Variants in RAB3B observed in about 807,000 individuals in gnomAD.
The protein encoded by RAB3B is ras-related protein Rab-3B.
A neutral mutation model predicts 20.5 loss-of-function variants in RAB3B; 11 were observed. That is an observed-to-expected ratio of 0.54 (90% confidence interval 0.34 to 0.89). The LOEUF is 0.89. Among genes scored for constraint, RAB3B ranks in the 40% least tolerant of loss-of-function variants. The pLI, the probability that RAB3B is intolerant of heterozygous loss-of-function variation, is 0.02. For synonymous variants in RAB3B, 99 were observed against 106.3 expected (o/e 0.93, Z 0.42); for missense variants, 225 against 280.9 (o/e 0.80, Z 1.42).
chr1:51,984,133 G>A lies in RAB3B; in HGVS notation c.-1+6419C>T, dbSNP rs566092940. Among the ~76,000 whole-genome samples the A allele has an allele frequency of 1.5e-3, 230 of 151,126 alleles. 2 individuals are homozygous for A. Among genetic ancestry groups the A allele is most frequent in the Admixed American group, 3.7e-3 (56 of 15,182 alleles). On this transcript the variant is annotated intron_variant, in intron 1 of 4. Coordinates refer to ENST00000371655, the MANE Select transcript of RAB3B (RefSeq NM_002867.4). ...CAAAAAATTCGCTGGGCGTGGTGGT[G>A]GCTGCCTGTAATCCCAGCTACTCTG...
intron 1 of RAB3B, among the ~76,000 whole-genome samples, chr1:51,981,223 G>A (rs916043171): frequency 6.6e-6 from 1 of 152,200 alleles, no homozygotes; most frequent in East Asian, 1.9e-4. Flanking sequence ...TAGAGATGGG[G>A]TTTCACCATG....
Position 51,971,030 on chromosome 1 carries a change from A to G in RAB3B, c.228+5860T>C, listed in dbSNP as rs550762692. ...CGTCTCAAAAAAAAAAAAAAAAAAAAAAAGAAAGAAAGCAACCCAGTGACC... is the reference window on the plus strand; with the variant it reads ...CGTCTCAAAAAAAAAAAAAAAAAAAGAAAGAAAGAAAGCAACCCAGTGACC... On this transcript the variant is annotated intron_variant, in intron 2 of 4. Coordinates refer to ENST00000371655, the MANE Select transcript of RAB3B (RefSeq NM_002867.4). Among the ~76,000 whole-genome samples the G allele has an allele frequency of 2.7e-3, 402 of 150,658 alleles. 3 individuals are homozygous for G. Among genetic ancestry groups the G allele is most frequent in the Admixed American group, 6.6e-3 (99 of 15,106 alleles).
At position 51,955,602 on chromosome 1, in the gene RAB3B, G is replaced by A. The variant is rs556929751; in HGVS notation, c.229-18190C>T. On this transcript the variant is annotated intron_variant, in intron 2 of 4. Transcript: ENST00000371655. ...TTTAGTAGAGACAGGGTTTTACCAT[G>A]TTGGCCAGGCTGGTCTCAAACTCCC... Among the ~76,000 whole-genome samples, 15 of 152,250 alleles carry A rather than the reference G, an allele frequency of 9.9e-5. No individual in the cohort carries two copies. In the South Asian group the frequency reaches 3.1e-3, roughly 32 times the overall value.
intron 1 of RAB3B, 86 bp downstream of exon 1, chr1:51,990,466 G>C (rs1010771598): frequency 3.3e-5 from 5 of 150,364 alleles, no homozygotes; most frequent in Non-Finnish European, 5.9e-5. Flanking sequence ...GCTCCTTCTC[G>C]GCGCCCGCTC....
At chr1:51,938,043 C>T (rs1373142847) in intron 2 of RAB3B, among the ~76,000 whole-genome samples, 2 of 140,048 alleles carry the variant, frequency 1.4e-5, no homozygotes, top group African/African-American at 5.5e-5. Context: ...TACTCTGTTG[C>T]CCAGGCTGAG....
At chr1:51,966,902 G>A (rs978346829) in intron 2 of RAB3B, among the ~76,000 whole-genome samples, 3 of 152,116 alleles carry the variant, frequency 2.0e-5, no homozygotes, top group African/African-American at 7.2e-5. Flanking sequence ...CACTCAAGAC[G>A]AGATTGCACC....
chr1:51,931,309 T>A (rs1419769221), intron 4 of RAB3B, among the ~76,000 whole-genome samples: 1 of 152,116 alleles, frequency 6.6e-6, no homozygotes, highest in Non-Finnish European at 1.5e-5. Flanking sequence ...CACTTGGGCA[T>A]CATGTTCTCT....
At chr1:51,948,107 T>G (rs1269603084) in intron 2 of RAB3B, among the ~76,000 whole-genome samples, 3 of 152,212 alleles carry the variant, frequency 2.0e-5, no homozygotes, top group African/African-American at 7.2e-5. Context: ...GTTTACAATG[T>G]TTTTTTCTTA....
chr1:51,970,255 C>A (rs956224974), intron 2 of RAB3B, among the ~76,000 whole-genome samples: 5 of 152,076 alleles, frequency 3.3e-5, no homozygotes, highest in African/African-American at 7.2e-5. Flanking sequence ...CTTCTATTCC[C>A]ACAAGGTCTC....
In RAB3B at chr1:51,918,871, G is replaced by C. The variant is rs2124226502; in HGVS notation, c.*1056C>G. ...AACTCATGATCTGTTTCTTGATCTT[G>C]CCTGTTTCTCTTTTTCTCTGTTTGT... On this transcript the variant is annotated 3_prime_UTR_variant, in exon 5 of 5. Coordinates refer to ENST00000371655, the MANE Select transcript of RAB3B (RefSeq NM_002867.4). The C allele has an allele frequency of 6.6e-6, 1 of 152,172 alleles. No individual in the cohort carries two copies. Among genetic ancestry groups the C allele is most frequent in the East Asian group, 1.9e-4 (1 of 5,182 alleles). 9.4% of individuals were successfully genotyped at this position (152,172 alleles called of 1,614,324 possible).
At chr1:51,928,426 G>A (rs1443670558) in intron 4 of RAB3B, among the ~76,000 whole-genome samples, 1 of 152,184 alleles carries the variant, frequency 6.6e-6, no homozygotes, top group Non-Finnish European at 1.5e-5. Context: ...TAATAAACAC[G>A]AATTGTTGGC....
chr1:51,978,384 T>C (rs904333032), intron 1 of RAB3B, among the ~76,000 whole-genome samples: 2 of 152,200 alleles, frequency 1.3e-5, no homozygotes, highest in Non-Finnish European at 2.9e-5. Flanking sequence ...GATGAAACCA[T>C]TATCAACTGG....
At chr1:51,932,036 G>T (rs1043020666) in intron 4 of RAB3B, among the ~76,000 whole-genome samples, 5 of 152,024 alleles carry the variant, frequency 3.3e-5, no homozygotes, top group African/African-American at 7.3e-5. Context: ...ATAGTGTAGA[G>T]ACAGCAAGGC....
intron 4 of RAB3B, among the ~76,000 whole-genome samples, chr1:51,928,568 G>A (rs1213520735): frequency 6.6e-6 from 1 of 152,208 alleles, no homozygotes; most frequent in Non-Finnish European, 1.5e-5. Flanking sequence ...TAATACCTGA[G>A]ACAGCAGAGG....
chr1:51,923,714 CAAA>C (rs56771506), intron 4 of RAB3B, among the ~76,000 whole-genome samples: 4 of 74,448 alleles, frequency 5.4e-5, no homozygotes. Context: ...GACTCTGTCT[CAAA>C]AAAAAAAAAA....
At chr1:51,938,678 T>TA (rs1266206497) in intron 2 of RAB3B, among the ~76,000 whole-genome samples, 7 of 27,484 alleles carry the variant, frequency 2.5e-4, no homozygotes, top group African/African-American at 1.2e-3. Context: ...CTTCATGTAA[T>TA]TTTTTTTTTT....
At chr1:51,957,213 G>T (rs1027889512) in intron 2 of RAB3B, among the ~76,000 whole-genome samples, 1 of 152,120 alleles carries the variant, frequency 6.6e-6, no homozygotes, top group South Asian at 2.1e-4. Context: ...TCACTCTGTC[G>T]ATCTTTTCCT....
In RAB3B at chr1:51,916,677, A is replaced by G. The variant is rs1245704969; in HGVS notation, c.*3250T>C. On this transcript the variant is annotated 3_prime_UTR_variant, in exon 5 of 5. Transcript: ENST00000371655. ...GGCTCCTGCTGATTGGGAGCCTGAT[A>G]AGTGTTGCCTGGCAGAGGCAGATAC... 2 of 152,170 alleles carry G rather than the reference A, an allele frequency of 1.3e-5. No individual in the cohort carries two copies. The highest frequency in any genetic ancestry group is 4.8e-5 in the African/African-American group (2 of 41,432). 9.4% of individuals were successfully genotyped at this position (152,170 alleles called of 1,614,324 possible).
chr1:51,910,852 T>C lies in RAB3B; in HGVS notation c.*9075A>G, dbSNP rs1337249784. The C allele has an allele frequency of 1.3e-5, 2 of 152,238 alleles. No individual in the cohort carries two copies. Among genetic ancestry groups the C allele is most frequent in the African/African-American group, 4.8e-5 (2 of 41,472 alleles). The allele number at this position is 152,238 out of a possible 1,614,324, so 9.4% of individuals were successfully genotyped here. A position where few individuals can be genotyped will look rare whatever the true frequency, so the allele number is the denominator to read the frequency against. ...TGAATCTGAAAGGAGACAGGAATCC[T>C]AATCCTACTGCTCAGGGACTTGCTG... On this transcript the variant is annotated 3_prime_UTR_variant, in exon 5 of 5. Transcript: ENST00000371655.
Sources: gnomAD v4.1 joint callset for allele counts (sites outside exome capture counted in the v4.1 genomes callset) on GRCh38, gnomAD v4.1.1 for gene constraint, MANE v1.5 for transcripts, NCBI Gene and HGNC (gene_info 2026-07-23, HGNC 2026-07-21) for gene names.